FAM13A: variants seen among roughly 807,000 people sequenced by gnomAD.
FAM13A encodes family with sequence similarity 13 member A.
FAM13A carries 76 observed loss-of-function variants against 129.6 expected under a neutral mutation model. That is an observed-to-expected ratio of 0.59 (90% confidence interval 0.49 to 0.71). FAM13A has a LOEUF of 0.71. FAM13A is among the 30% of genes least tolerant of loss of function. The pLI is 0.00. For missense variants in FAM13A, 1,108 were observed against 1,249.3 expected, an observed-to-expected ratio of 0.89 and a Z score of 1.70; for synonymous variants, 443 against 449.9, an observed-to-expected ratio of 0.98 and a Z score of 0.20.
intron 7 of FAM13A, among the ~76,000 whole-genome samples, chr4:88,846,117 A>C (rs1460351864): frequency 6.6e-6 from 1 of 152,202 alleles, no homozygotes; most frequent in Non-Finnish European, 1.5e-5. Context: ...AACTTTCATT[A>C]ATTGTCAGCT....
chr4:88,799,218 T>A (rs753738956), intron 8 of FAM13A, among the ~76,000 whole-genome samples: 19 of 152,230 alleles, frequency 1.2e-4, no homozygotes, highest in Non-Finnish European at 1.9e-4. Context: ...TTGGTCTGGT[T>A]CTGTGTAGGC....
intron 1 of FAM13A, among the ~76,000 whole-genome samples, chr4:89,040,960 C>G (rs1316198422): frequency 6.6e-6 from 1 of 152,206 alleles, no homozygotes; most frequent in African/African-American, 2.4e-5. Context: ...TGGATGCTTC[C>G]TGCCCTTGAA....
At chr4:88,873,374 C>T (rs1203769795) in intron 6 of FAM13A, among the ~76,000 whole-genome samples, 2 of 151,944 alleles carry the variant, frequency 1.3e-5, no homozygotes, top group Admixed American at 1.3e-4. Flanking sequence ...AAAGGATCAA[C>T]AAAATTGATA....
chr4:88,946,938 T>C (rs1755989850), intron 4 of FAM13A, among the ~76,000 whole-genome samples: 1 of 152,146 alleles, frequency 6.6e-6, no homozygotes, highest in East Asian at 1.9e-4. Flanking sequence ...CCATAACCTA[T>C]GAAGGACATG....
intron 6 of FAM13A, among the ~76,000 whole-genome samples, chr4:88,887,700 T>G (rs1190834042): frequency 6.6e-6 from 1 of 151,922 alleles, no homozygotes; most frequent in African/African-American, 2.4e-5. Flanking sequence ...CCAGCTAATT[T>G]TTTTGTATTT....
chr4:88,796,182 A>G (rs1241002360), intron 8 of FAM13A, among the ~76,000 whole-genome samples: 2 of 151,852 alleles, frequency 1.3e-5, no homozygotes, highest in African/African-American at 4.8e-5. Flanking sequence ...TTTATTCTAT[A>G]AATTTTCATA....
intron 4 of FAM13A, among the ~76,000 whole-genome samples, chr4:88,955,780 C>T (rs1336815348): frequency 6.6e-6 from 1 of 152,042 alleles, no homozygotes; most frequent in Non-Finnish European, 1.5e-5. Context: ...TGCCCTTGCC[C>T]TAGAGGTCTG....
intron 8 of FAM13A, among the ~76,000 whole-genome samples, chr4:88,802,655 T>C (rs1348796819): frequency 6.6e-6 from 1 of 152,196 alleles, no homozygotes; most frequent in Non-Finnish European, 1.5e-5. Context: ...ACATAATGAC[T>C]GAAACGGCCT....
intron 7 of FAM13A, chr4:88,823,206 T>C: frequency 7.0e-7 from 1 of 1,430,030 alleles, no homozygotes; most frequent in African/African-American, 1.4e-5. Context: ...GGCAATGCTA[T>C]TTTATCGGCT....
intron 7 of FAM13A, among the ~76,000 whole-genome samples, chr4:88,839,468 T>A (rs1735425261): frequency 6.6e-6 from 1 of 152,204 alleles, no homozygotes; most frequent in African/African-American, 2.4e-5. Flanking sequence ...GAATAGACAG[T>A]CAATAGACAA....
intron 11 of FAM13A, among the ~76,000 whole-genome samples, chr4:88,770,816 C>T (rs1414459310): frequency 6.6e-6 from 1 of 152,130 alleles, no homozygotes; most frequent in African/African-American, 2.4e-5. Flanking sequence ...CTTAGCTGAT[C>T]TCCAGTGTTA....
intron 7 of FAM13A, 28 bp from the exon 8 acceptor site, chr4:88,805,080 TATA>T: frequency 7.4e-6 from 9 of 1,219,888 alleles, no homozygotes; most frequent in Non-Finnish European, 1.1e-5. Context: ...TTTGAATTAA[TATA>T]ATGTCTGTTA....
chr4:89,011,392 A>C (rs1380834280), intron 3 of FAM13A, among the ~76,000 whole-genome samples: 2 of 152,160 alleles, frequency 1.3e-5, no homozygotes, highest in Non-Finnish European at 2.9e-5. Flanking sequence ...CAATTTAAAA[A>C]ATTTTCATTG....
intron 4 of FAM13A, among the ~76,000 whole-genome samples, chr4:88,974,677 G>A (rs532144357): frequency 6.6e-6 from 1 of 152,034 alleles, no homozygotes; most frequent in African/African-American, 2.4e-5. Flanking sequence ...GTGTGGATTT[G>A]GATTTGGGTT....
At chr4:88,748,085 G>T (rs893208033) in intron 17 of FAM13A, among the ~76,000 whole-genome samples, 2 of 151,978 alleles carry the variant, frequency 1.3e-5, no homozygotes, top group South Asian at 2.1e-4. Flanking sequence ...GTAGAGACGG[G>T]GTTTCACCAT....
intron 11 of FAM13A, among the ~76,000 whole-genome samples, chr4:88,775,748 C>T (rs988658255): frequency 1.6e-4 from 25 of 152,160 alleles, no homozygotes; most frequent in African/African-American, 5.8e-4. Context: ...ACAGACTGTT[C>T]AACATGTGTG....
At chr4:88,800,479 G>GT (rs781449775) in intron 8 of FAM13A, among the ~76,000 whole-genome samples, 8 of 152,060 alleles carry the variant, frequency 5.3e-5, no homozygotes, top group Non-Finnish European at 1.0e-4. Flanking sequence ...GAGGTCAGGA[G>GT]TTTGAGACCA....
chr4:88,911,500 A>C (rs1200661931), intron 5 of FAM13A, among the ~76,000 whole-genome samples: 1 of 152,120 alleles, frequency 6.6e-6, no homozygotes, highest in Non-Finnish European at 1.5e-5. Context: ...TTCTTGCTTA[A>C]TACCTCTTTG....
chr4:88,868,873 AT>A (rs1414481550), intron 6 of FAM13A, among the ~76,000 whole-genome samples: 1 of 152,160 alleles, frequency 6.6e-6, no homozygotes, highest in African/African-American at 2.4e-5. Context: ...ATGCTCCCTC[AT>A]TTATGCACCA....
Sources: gnomAD v4.1 joint callset for allele counts (sites outside exome capture counted in the v4.1 genomes callset) on GRCh38, gnomAD v4.1.1 for gene constraint, MANE v1.5 for transcripts, NCBI Gene and HGNC (gene_info 2026-07-23, HGNC 2026-07-21) for gene names.